SLC38A11: variants seen among roughly 807,000 people sequenced by gnomAD.
SLC38A11 encodes the protein putative sodium-coupled neutral amino acid transporter 11.
In SLC38A11, 51 loss-of-function variants were observed where a neutral mutation model predicts 49.4. The observed-to-expected ratio is 1.03, with a 90% CI of 0.83 to 1.30. SLC38A11 has a LOEUF of 1.30. Ranked by LOEUF, SLC38A11 falls within the 50% of genes most tolerant of loss-of-function variation. The pLI, the probability that SLC38A11 is intolerant of heterozygous loss-of-function variation, is 0.00. For missense variants in SLC38A11, 574 were observed against 556.2 expected (o/e 1.03, Z -0.32); for synonymous variants, 203 against 192.9 (o/e 1.05, Z -0.43).
At chr2:164,901,417 TTG>T (rs1409532282) in intron 11 of SLC38A11, among the ~76,000 whole-genome samples, 1 of 152,162 alleles carries the variant, frequency 6.6e-6, no homozygotes, top group Non-Finnish European at 1.5e-5. Flanking sequence ...TTCCATTTAT[TTG>T]TGTCTTTTTC....
At chr2:164,899,829 TC>T (rs1005567488) in intron 11 of SLC38A11, among the ~76,000 whole-genome samples, 79 of 152,164 alleles carry the variant, frequency 5.2e-4, no homozygotes, top group African/African-American at 1.8e-3. Context: ...TTAACAAAAG[TC>T]CCAAATATAA....
At chr2:164,944,958 G>A (rs931649306) in intron 4 of SLC38A11, among the ~76,000 whole-genome samples, 2 of 152,076 alleles carry the variant, frequency 1.3e-5, no homozygotes, top group Admixed American at 6.5e-5. Context: ...TCAGGAACAC[G>A]TGTGCTGCAT....
chr2:164,915,992 A>G lies in SLC38A11; in HGVS notation c.618-19T>C, dbSNP rs769509678. On this transcript the variant is annotated intron_variant, in intron 7 of 11. Coordinates refer to ENST00000685975, the MANE Select transcript of SLC38A11 (RefSeq NM_001351537.2). Reference sequence around the variant, plus strand: ...TTTTGGTCTAGAAGAAAAATCAGTTAACTTGATAAATTGTTAAATAAATAC... The same window carrying G: ...TTTTGGTCTAGAAGAAAAATCAGTTGACTTGATAAATTGTTAAATAAATAC... 6.5e-7 allele frequency: 1 copy of G among 1,537,240 alleles called. No individual in the cohort carries two copies. The highest frequency in any genetic ancestry group is 1.2e-5 in the South Asian group (1 of 86,408).
intron 11 of SLC38A11, among the ~76,000 whole-genome samples, chr2:164,900,365 G>A (rs1028722572): frequency 2.0e-4 from 30 of 151,890 alleles, no homozygotes; most frequent in Non-Finnish European, 4.0e-4. Context: ...AATTTCTTTA[G>A]GAACCTCCAT....
In SLC38A11 at chr2:164,946,552, G is replaced by A. The variant is rs1185187030; in HGVS notation, c.230-825C>T. 8.5e-5 allele frequency among the ~76,000 whole-genome samples: 11 copies of A among 130,176 alleles called. No individual in the cohort carries two copies. The East Asian group carries it at 1.1e-3, about 14-fold the overall frequency. 85.4% of individuals were successfully genotyped at this position (130,176 alleles called of 152,430 possible). A position where few individuals can be genotyped will look rare whatever the true frequency, so the allele number is the denominator to read the frequency against. ...CTTCTCTCCAGCTTGGCAACACAGC[G>A]AGACTCCCTCTCAAAAAAAAAAAAA... On this transcript the variant is annotated intron_variant, in intron 3 of 11. Coordinates refer to ENST00000685975, the MANE Select transcript of SLC38A11 (RefSeq NM_001351537.2).
At chr2:164,910,816 A>G (rs1685347528) in intron 10 of SLC38A11, among the ~76,000 whole-genome samples, 1 of 152,096 alleles carries the variant, frequency 6.6e-6, no homozygotes, top group African/African-American at 2.4e-5. Flanking sequence ...AAGCAAGATC[A>G]TGTTTTACTG....
intron 7 of SLC38A11, among the ~76,000 whole-genome samples, chr2:164,923,882 G>A (rs775254932): frequency 6.6e-6 from 1 of 151,974 alleles, no homozygotes; most frequent in Non-Finnish European, 1.5e-5. Flanking sequence ...GTGAATTAGT[G>A]CAGCCACTGT....
chr2:164,929,799 C>T (rs1287684967), intron 7 of SLC38A11, among the ~76,000 whole-genome samples: 2 of 151,964 alleles, frequency 1.3e-5, no homozygotes, highest in Non-Finnish European at 2.9e-5. Context: ...AATTCAGTGG[C>T]TCCTCATCAA....
At chr2:164,954,437 C>T (rs951472403) in intron 2 of SLC38A11, among the ~76,000 whole-genome samples, 194 bp downstream of exon 2, 9 of 152,088 alleles carry the variant, frequency 5.9e-5, no homozygotes, top group African/African-American at 2.2e-4. Context: ...TGAATTACAG[C>T]CCCATCTTCA....
chr2:164,947,117 C>CTTTTTTTTTTTTTTTTTTTTTTT lies in SLC38A11; in HGVS notation c.230-1413_230-1391dup, dbSNP rs200284770. 5.5e-5 allele frequency among the ~76,000 whole-genome samples: 4 copies of CTTTTTTTTTTTTTTTTTTTTTTT among 72,906 alleles called. 1 individual carries two copies. The highest frequency in any genetic ancestry group is 7.7e-5 in the African/African-American group (1 of 12,988). 47.8% of individuals were successfully genotyped at this position (72,906 alleles called of 152,430 possible). ...CCTGGATTCTTGGACTTTTTTATCTCTTTTTTTTTTTTTTTTTTTTTTTTT... is the reference window on the plus strand; with the variant it reads ...CCTGGATTCTTGGACTTTTTTATCTCTTTTTTTTTTTTTTTTTTTTTTTTTTTTTTTTTTTTTTTTTTTTTTTT... On this transcript the variant is annotated intron_variant, in intron 3 of 11. Coordinates refer to ENST00000685975, the MANE Select transcript of SLC38A11 (RefSeq NM_001351537.2).
At chr2:164,904,070 C>A (rs1462593646) in intron 11 of SLC38A11, among the ~76,000 whole-genome samples, 2 of 152,162 alleles carry the variant, frequency 1.3e-5, no homozygotes. Context: ...GGCTTGCTCA[C>A]CCCAAAGACT....
rs868018017 is a variant in SLC38A11, at chr2:164,934,665, G to A, written c.617+2685C>T. The stretch of plus-strand genomic sequence containing the variant: ...ATATTGCCTCATAATACTATATTTA[G>A]CAAACCTATAAGAACTTTTATTACA... On this transcript the variant is annotated intron_variant, in intron 7 of 11. Transcript: ENST00000685975. 8.3e-4 allele frequency among the ~76,000 whole-genome samples: 127 copies of A among 152,138 alleles called. 1 individual carries two copies. Among genetic ancestry groups the A allele is most frequent in the African/African-American group, 2.8e-3 (117 of 41,518 alleles).
intron 7 of SLC38A11, among the ~76,000 whole-genome samples, chr2:164,918,874 A>T (rs1685982642): frequency 6.6e-6 from 1 of 152,200 alleles, no homozygotes; most frequent in South Asian, 2.1e-4. Context: ...GATGTGCATG[A>T]TTTTAACGTC....
chr2:164,920,405 T>C (rs1250158214), intron 7 of SLC38A11, among the ~76,000 whole-genome samples: 3 of 152,170 alleles, frequency 2.0e-5, no homozygotes, highest in Non-Finnish European at 4.4e-5. Context: ...AAAGTTAAAC[T>C]TGGACACCCA....
chr2:164,917,180 C>G (rs1206114079), intron 7 of SLC38A11, among the ~76,000 whole-genome samples: 1 of 152,020 alleles, frequency 6.6e-6, no homozygotes, highest in Non-Finnish European at 1.5e-5. Context: ...AAGAATGGAA[C>G]AGGGATATTC....
chr2:164,936,335 A>G (rs1687371162), intron 7 of SLC38A11, among the ~76,000 whole-genome samples: 13 of 152,080 alleles, frequency 8.5e-5, no homozygotes, highest in Admixed American at 8.5e-4. Context: ...TAAGAAGTCT[A>G]TCAGTGGAAA....
intron 11 of SLC38A11, among the ~76,000 whole-genome samples, chr2:164,908,290 AG>A (rs2105451967): frequency 6.6e-6 from 1 of 152,252 alleles, no homozygotes; most frequent in South Asian, 2.1e-4. Flanking sequence ...ACTCTAAACC[AG>A]GGTTTCTCAA....
intron 9 of SLC38A11, chr2:164,912,126 A>G (rs982280268): frequency 6.5e-6 from 1 of 153,676 alleles, no homozygotes; most frequent in Non-Finnish European, 1.4e-5. Flanking sequence ...TCATTAAGCA[A>G]CACATGACTT....
chr2:164,948,708 A>C (rs1160081547), intron 3 of SLC38A11, among the ~76,000 whole-genome samples: 2 of 152,176 alleles, frequency 1.3e-5, no homozygotes, highest in Non-Finnish European at 2.9e-5. Context: ...CATCTAGCTC[A>C]GGAAGTGGTA....
Sources: gnomAD v4.1 joint callset for allele counts (sites outside exome capture counted in the v4.1 genomes callset) on GRCh38, gnomAD v4.1.1 for gene constraint, MANE v1.5 for transcripts, NCBI Gene and HGNC (gene_info 2026-07-23, HGNC 2026-07-21) for gene names.